DLGAP1: variants seen among roughly 807,000 people sequenced by gnomAD.
DLGAP1 encodes the protein DLG associated protein 1.
DLGAP1 carries 11 observed loss-of-function variants against 90.8 expected under a neutral mutation model. That is an observed-to-expected ratio of 0.12 (90% CI 0.08 to 0.20). The LOEUF (loss-of-function observed/expected upper bound fraction) is 0.20. Ranked by LOEUF, DLGAP1 falls within the 10% of genes least tolerant of loss-of-function variation. The probability of loss-of-function intolerance (pLI) is 1.00; values close to 1 mark genes in which losing one functional copy is unlikely to be tolerated. For missense variants in DLGAP1, 1,050 were observed against 1,333.8 expected (o/e 0.79, Z 3.31); for synonymous variants, 558 against 540.7 (o/e 1.03, Z -0.44).
intron 1 of DLGAP1, among the ~76,000 whole-genome samples, chr18:4,213,369 T>C (rs2077887012): frequency 6.6e-6 from 1 of 152,120 alleles, no homozygotes; most frequent in Admixed American, 6.5e-5. Flanking sequence ...AGTTGACCCC[T>C]GAAGTAACAT....
intron 1 of DLGAP1, among the ~76,000 whole-genome samples, chr18:4,350,923 T>C (rs1170659583): frequency 6.6e-6 from 1 of 152,124 alleles, no homozygotes; most frequent in Admixed American, 6.6e-5. Context: ...TTGGAATTAA[T>C]ATAGACCACT....
At chr18:4,107,146 T>C (rs1231057743) in intron 2 of DLGAP1, among the ~76,000 whole-genome samples, 2 of 152,226 alleles carry the variant, frequency 1.3e-5, no homozygotes, top group African/African-American at 4.8e-5. Context: ...TGGATTACAA[T>C]TGCCTCTTTG....
chr18:3,670,096 CAACAAAACAA>C (rs963457540), intron 7 of DLGAP1, among the ~76,000 whole-genome samples: 5 of 152,074 alleles, frequency 3.3e-5, no homozygotes, highest in Non-Finnish European at 7.4e-5. Flanking sequence ...TATTGTTTTA[CAACAAAACAA>C]AACAAAACAA....
chr18:3,912,407 G>A (rs934787978), intron 3 of DLGAP1, among the ~76,000 whole-genome samples: 30 of 152,062 alleles, frequency 2.0e-4, no homozygotes, highest in African/African-American at 6.8e-4. Flanking sequence ...TAGTGTGCGA[G>A]GTTTATTCTC....
intron 1 of DLGAP1, among the ~76,000 whole-genome samples, chr18:4,281,224 G>T (rs1262158222): frequency 6.6e-6 from 1 of 152,166 alleles, no homozygotes; most frequent in Non-Finnish European, 1.5e-5. Flanking sequence ...ACAGCCTAAA[G>T]TTGTATTTTG....
intron 3 of DLGAP1, among the ~76,000 whole-genome samples, chr18:3,884,993 T>C (rs1475252054): frequency 6.6e-6 from 1 of 152,244 alleles, no homozygotes; most frequent in Non-Finnish European, 1.5e-5. Context: ...TATCGTCTTG[T>C]CATTTTAAAA....
chr18:4,056,230 C>T (rs1205325478), intron 2 of DLGAP1, among the ~76,000 whole-genome samples: 3 of 152,076 alleles, frequency 2.0e-5, no homozygotes, highest in Non-Finnish European at 2.9e-5. Context: ...AATGAGGATC[C>T]TCGTACTGCA....
At chr18:3,676,479 G>C (rs941148012) in intron 7 of DLGAP1, among the ~76,000 whole-genome samples, 2 of 151,996 alleles carry the variant, frequency 1.3e-5, no homozygotes, top group South Asian at 2.1e-4. Flanking sequence ...GAGTGTCCAT[G>C]TCCTAAATTT....
chr18:3,602,104 C>G (rs1181696293), intron 7 of DLGAP1, among the ~76,000 whole-genome samples: 4 of 152,252 alleles, frequency 2.6e-5, no homozygotes, highest in African/African-American at 9.6e-5. Flanking sequence ...ATGTACAAGC[C>G]GGGTGCCGCG....
intron 7 of DLGAP1, among the ~76,000 whole-genome samples, chr18:3,599,868 C>T (rs530544647): frequency 2.1e-4 from 32 of 151,686 alleles, no homozygotes; most frequent in Admixed American, 1.1e-3. Context: ...CCGCCCACCT[C>T]GGCCTCCCAA....
chr18:4,234,891 G>T (rs910955691), intron 1 of DLGAP1, among the ~76,000 whole-genome samples: 4 of 152,146 alleles, frequency 2.6e-5, no homozygotes, highest in Non-Finnish European at 5.9e-5. Context: ...AGAAAGGCAT[G>T]TCATAAAAAA....
intron 7 of DLGAP1, among the ~76,000 whole-genome samples, chr18:3,703,765 C>T (rs1890400255): frequency 6.6e-6 from 1 of 152,184 alleles, no homozygotes; most frequent in Admixed American, 6.5e-5. Flanking sequence ...TTAGTTGCAG[C>T]TTCACAGACT....
chr18:3,778,825 T>C (rs1408447257), intron 5 of DLGAP1, among the ~76,000 whole-genome samples: 1 of 152,128 alleles, frequency 6.6e-6, no homozygotes, highest in East Asian at 1.9e-4. Flanking sequence ...GATGAGGACC[T>C]GACAGAAAGG....
chr18:3,927,234 GGTGA>G (rs1391181529), intron 3 of DLGAP1, among the ~76,000 whole-genome samples: 4 of 152,130 alleles, frequency 2.6e-5, no homozygotes, highest in African/African-American at 4.8e-5. Context: ...GGTGAAAGTG[GGTGA>G]GTAACAGTAT....
At chr18:3,540,618 G>A (rs2052641360) in intron 9 of DLGAP1, among the ~76,000 whole-genome samples, 1 of 151,862 alleles carries the variant, frequency 6.6e-6, no homozygotes, top group African/African-American at 2.4e-5. Flanking sequence ...CAGGTGGGAG[G>A]AACCCTCCTA....
intron 7 of DLGAP1, among the ~76,000 whole-genome samples, chr18:3,626,766 C>T (rs956996872): frequency 1.2e-4 from 18 of 151,228 alleles, no homozygotes; most frequent in East Asian, 2.0e-4. Flanking sequence ...ATTGTGGTGG[C>T]GTGCACCTGT....
intron 4 of DLGAP1, among the ~76,000 whole-genome samples, chr18:3,856,351 A>T (rs1183192184): frequency 6.6e-6 from 1 of 152,226 alleles, no homozygotes; most frequent in Non-Finnish European, 1.5e-5. Context: ...CATTATTAGA[A>T]AATGGCCAGT....
intron 3 of DLGAP1, among the ~76,000 whole-genome samples, chr18:3,954,683 T>C (rs754639780): frequency 6.0e-4 from 91 of 152,294 alleles, no homozygotes; most frequent in Non-Finnish European, 1.2e-3. Flanking sequence ...TAGGAACTTT[T>C]CAAAGGGTCT....
At chr18:4,184,765 C>G (rs934322237) in intron 1 of DLGAP1, among the ~76,000 whole-genome samples, 18 of 152,010 alleles carry the variant, frequency 1.2e-4, no homozygotes, top group African/African-American at 4.3e-4. Flanking sequence ...GTTCTGGGAT[C>G]CCCTGATACT....
Sources: allele counts gnomAD v4.1 joint callset (sites outside exome capture counted in the v4.1 genomes callset), GRCh38; gene constraint gnomAD v4.1.1; transcripts MANE v1.5; gene names NCBI Gene and HGNC (gene_info 2026-07-23, HGNC 2026-07-21).